Variants in ENPP6 observed in about 807,000 individuals in gnomAD.
The protein encoded by ENPP6 is glycerophosphocholine cholinephosphodiesterase ENPP6.
A neutral mutation model predicts 42.0 loss-of-function variants in ENPP6; 32 were observed. The ratio of observed to expected loss-of-function variants is 0.76; its 90% CI spans 0.58 to 1.02. The LOEUF (loss-of-function observed/expected upper bound fraction) is 1.02. Ranked by LOEUF, ENPP6 falls within the 50% of genes least tolerant of loss-of-function variation. The pLI, the probability that ENPP6 is intolerant of heterozygous loss-of-function variation, is 0.00. For missense variants in ENPP6, 552 were observed against 566.8 expected (o/e 0.97, Z 0.27); for synonymous variants, 213 against 216.0 (o/e 0.99, Z 0.12).
chr4:184,137,665 C>A (rs568815036), intron 2 of ENPP6, among the ~76,000 whole-genome samples: 1 of 152,312 alleles, frequency 6.6e-6, no homozygotes, highest in South Asian at 2.1e-4. Context: ...TTTATGAAGG[C>A]TTGCCCCTTG....
At position 184,140,218 on chromosome 4, in the gene ENPP6, C is replaced by T. The variant is rs529098966; in HGVS notation, c.421+13336G>A. 3.6e-3 allele frequency among the ~76,000 whole-genome samples: 542 copies of T among 151,818 alleles called. 4 individuals are homozygous for T. The highest frequency in any genetic ancestry group is 0.013 in the African/African-American group (519 of 41,350). Reference sequence around the variant, plus strand: ...GACCTCTTTAAGGAGAACTACAAACCACTGCTCAAGGAAATAAAAGAGGAT... The same window carrying T: ...GACCTCTTTAAGGAGAACTACAAACTACTGCTCAAGGAAATAAAAGAGGAT... On this transcript the variant is annotated intron_variant, in intron 2 of 7. Transcript: ENST00000296741.
In ENPP6 at chr4:184,091,171, G is replaced by A; in HGVS notation, c.*6C>T. On this transcript the variant is annotated 3_prime_UTR_variant, in exon 8 of 8. Transcript: ENST00000296741. ...TGTTTTTTTCTGAGACAAGCAATATGATCAGTTATGCAAGCAGGAAGAGAA... is the reference window on the plus strand; with the variant it reads ...TGTTTTTTTCTGAGACAAGCAATATAATCAGTTATGCAAGCAGGAAGAGAA... 6.6e-7 allele frequency: 1 copy of A among 1,520,502 alleles called. No homozygotes were observed. Among genetic ancestry groups the A allele is most frequent in the Non-Finnish European group, 8.8e-7 (1 of 1,134,214 alleles). 94.2% of individuals were successfully genotyped at this position (1,520,502 alleles called of 1,614,324 possible).
chr4:184,091,770 G>T (rs915117009), intron 7 of ENPP6, among the ~76,000 whole-genome samples: 8 of 152,054 alleles, frequency 5.3e-5, no homozygotes, highest in South Asian at 2.1e-4. Context: ...CAGGCATGGT[G>T]GTGTGCTCCC....
intron 1 of ENPP6, among the ~76,000 whole-genome samples, chr4:184,207,895 C>T (rs895509889): frequency 3.9e-5 from 6 of 152,200 alleles, no homozygotes; most frequent in African/African-American, 1.4e-4. Context: ...CCACCGCCTG[C>T]GAGGGCCGCC....
At chr4:184,168,537 C>G (rs893204241) in intron 1 of ENPP6, among the ~76,000 whole-genome samples, 2 of 152,232 alleles carry the variant, frequency 1.3e-5, no homozygotes, top group African/African-American at 2.4e-5. Context: ...ACACTGCCCG[C>G]GGGGCTCCGG....
intron 1 of ENPP6, among the ~76,000 whole-genome samples, chr4:184,208,279 C>T (rs1446987602): frequency 1.3e-5 from 2 of 152,132 alleles, no homozygotes; most frequent in African/African-American, 4.8e-5. Flanking sequence ...CAGCTCCCAG[C>T]GTGAGCGATG....
intron 1 of ENPP6, among the ~76,000 whole-genome samples, chr4:184,210,597 G>A: frequency 6.9e-6 from 1 of 145,508 alleles, no homozygotes. Context: ...CAAGTCCTGA[G>A]TGACCTACAA....
chr4:184,206,123 G>A (rs900089777), intron 1 of ENPP6, among the ~76,000 whole-genome samples: 1 of 152,132 alleles, frequency 6.6e-6, no homozygotes, highest in African/African-American at 2.4e-5. Flanking sequence ...TCACAAGCTG[G>A]GGCAATGTCC....
intron 6 of ENPP6, among the ~76,000 whole-genome samples, chr4:184,101,314 G>A (rs1307006540): frequency 1.9e-4 from 5 of 26,288 alleles, no homozygotes; most frequent in African/African-American, 6.8e-4. Flanking sequence ...TTGTGTGTGT[G>A]TGTGTGTGTG....
Position 184,130,301 on chromosome 4 carries a change from G to A in ENPP6, c.422-6029C>T, listed in dbSNP as rs539489763. On this transcript the variant is annotated intron_variant, in intron 2 of 7. Coordinates refer to ENST00000296741, the MANE Select transcript of ENPP6 (RefSeq NM_153343.4). ...TGGCCGGGCGCGGTGGCTCATGCCT[G>A]TAATCCCAGCACTTTGGGAGGCCGA... Among the ~76,000 whole-genome samples, 449 of 151,600 alleles carry A rather than the reference G, an allele frequency of 3.0e-3. 6 individuals are homozygous for A. The highest frequency in any genetic ancestry group is 4.1e-3 in the Admixed American group (62 of 15,210).
intron 6 of ENPP6, among the ~76,000 whole-genome samples, chr4:184,111,814 C>G (rs1431213349): frequency 2.0e-5 from 3 of 152,220 alleles, no homozygotes; most frequent in Non-Finnish European, 4.4e-5. Context: ...CACTCACTTG[C>G]CCAGTCAGCC....
At chr4:184,188,833 T>G (rs1433014821) in intron 1 of ENPP6, among the ~76,000 whole-genome samples, 3 of 152,170 alleles carry the variant, frequency 2.0e-5, no homozygotes, top group East Asian at 1.9e-4. Context: ...CTTTGCATTT[T>G]ATGTGACGGA....
chr4:184,097,438 G>A (rs2111329159), intron 6 of ENPP6, 70 bp from the exon 7 acceptor site: 1 of 1,587,978 alleles, frequency 6.3e-7, no homozygotes, highest in African/African-American at 1.3e-5. Context: ...TCTGCTCCAA[G>A]CCGCCACTCC....
At chr4:184,119,946 C>T (rs1186829283) in intron 3 of ENPP6, among the ~76,000 whole-genome samples, 1 of 152,176 alleles carries the variant, frequency 6.6e-6, no homozygotes, top group East Asian at 1.9e-4. Context: ...AATCTCTTCC[C>T]TTTACAAATT....
chr4:184,104,019 TTTC>T (rs1736048567), intron 6 of ENPP6, among the ~76,000 whole-genome samples: 2 of 151,348 alleles, frequency 1.3e-5, no homozygotes, highest in African/African-American at 2.4e-5. Flanking sequence ...TTTCTTTTCT[TTTC>T]TTTTTTTGAA....
intron 2 of ENPP6, among the ~76,000 whole-genome samples, chr4:184,135,418 T>C (rs1347667873): frequency 6.6e-6 from 1 of 152,228 alleles, no homozygotes; most frequent in Non-Finnish European, 1.5e-5. Flanking sequence ...TCTTAGCAGA[T>C]AAAAATTGAT....
chr4:184,213,308 C>T (rs902572403), intron 1 of ENPP6, among the ~76,000 whole-genome samples: 19 of 151,084 alleles, frequency 1.3e-4, no homozygotes, highest in Non-Finnish European at 2.4e-4. Flanking sequence ...AGGCAACCTA[C>T]AAAATGGGAG....
intron 1 of ENPP6, among the ~76,000 whole-genome samples, chr4:184,199,532 C>T (rs1732858808): frequency 6.6e-6 from 1 of 152,236 alleles, no homozygotes; most frequent in Non-Finnish European, 1.5e-5. Flanking sequence ...GAAAGCTAGA[C>T]ATGCGGCAGA....
chr4:184,140,426 T>G (rs1400167513), intron 2 of ENPP6, among the ~76,000 whole-genome samples: 1 of 151,390 alleles, frequency 6.6e-6, no homozygotes, highest in Non-Finnish European at 1.5e-5. Context: ...GAGCCCACAT[T>G]GCCAAGTCAA....
Sources: allele counts gnomAD v4.1 joint callset (sites outside exome capture counted in the v4.1 genomes callset), GRCh38; gene constraint gnomAD v4.1.1; transcripts MANE v1.5; gene names NCBI Gene and HGNC (gene_info 2026-07-23, HGNC 2026-07-21).